The following PACS1 variants were observed in gnomAD, a reference collection of about 807,000 sequenced individuals.
PACS1 encodes the protein phosphofurin acidic cluster sorting protein 1.
A neutral mutation model predicts 115.0 loss-of-function variants in PACS1; 24 were observed. The observed-to-expected ratio is 0.21, with a 90% confidence interval of 0.15 to 0.29. The LOEUF is 0.29. PACS1 is among the 10% of genes least tolerant of loss of function. The pLI, the probability that PACS1 is intolerant of heterozygous loss-of-function variation, is 1.00. For missense variants in PACS1, 838 were observed against 1,251.2 expected, an observed-to-expected ratio of 0.67 and a Z score of 4.98; for synonymous variants, 453 against 504.5, an observed-to-expected ratio of 0.90 and a Z score of 1.37.
chr11:66,151,412 TCA>T (rs1448944633), intron 1 of PACS1, among the ~76,000 whole-genome samples: 2 of 152,062 alleles, frequency 1.3e-5, no homozygotes, highest in Admixed American at 1.3e-4. Flanking sequence ...AACACAAAAG[TCA>T]CAGAGTGTGA....
intron 5 of PACS1, 118 bp from the exon 6 acceptor site, chr11:66,216,402 C>T: frequency 1.4e-6 from 2 of 1,399,138 alleles, no homozygotes; most frequent in Non-Finnish European, 1.0e-6. Context: ...CGGCCCTGGC[C>T]CTCCCCTCCA....
intron 1 of PACS1, among the ~76,000 whole-genome samples, chr11:66,084,758 G>A (rs528633247): frequency 1.7e-4 from 26 of 152,100 alleles, no homozygotes; most frequent in South Asian, 4.1e-4. Context: ...AATTATTGTC[G>A]TCTCTTTATC....
chr11:66,104,946 G>A (rs1212170927), intron 1 of PACS1, among the ~76,000 whole-genome samples: 1 of 152,182 alleles, frequency 6.6e-6, no homozygotes, highest in African/African-American at 2.4e-5. Flanking sequence ...TGTTGAATAA[G>A]TAAGCAAATA....
intron 21 of PACS1, 65 bp downstream of exon 21, chr11:66,239,342 G>A: frequency 6.4e-7 from 1 of 1,555,616 alleles, no homozygotes; most frequent in South Asian, 1.2e-5. Context: ...TGATTCCAGT[G>A]ACAGGCGCAT....
intron 1 of PACS1, among the ~76,000 whole-genome samples, chr11:66,152,943 A>G (rs1216728810): frequency 6.6e-6 from 1 of 152,220 alleles, no homozygotes; most frequent in Non-Finnish European, 1.5e-5. Context: ...CAGAAAAACA[A>G]AAATTGAGAG....
At chr11:66,201,469 G>A (rs975328012) in intron 2 of PACS1, among the ~76,000 whole-genome samples, 9 of 151,924 alleles carry the variant, frequency 5.9e-5, no homozygotes, top group East Asian at 5.8e-4. Flanking sequence ...AGGGAAATTC[G>A]TAGCTATAAG....
At chr11:66,103,513 A>ATT (rs556121033) in intron 1 of PACS1, among the ~76,000 whole-genome samples, 39 of 109,140 alleles carry the variant, frequency 3.6e-4, no homozygotes, top group African/African-American at 1.3e-3. Flanking sequence ...TTTGTTTGGA[A>ATT]TTTTTTTTTT....
intron 2 of PACS1, among the ~76,000 whole-genome samples, chr11:66,194,648 G>A (rs1854608299): frequency 6.6e-6 from 1 of 152,204 alleles, no homozygotes; most frequent in Non-Finnish European, 1.5e-5. Flanking sequence ...AGATTCTGCA[G>A]TGCCTCTGGA....
At chr11:66,077,932 C>T (rs1285902699) in intron 1 of PACS1, among the ~76,000 whole-genome samples, 1 of 152,016 alleles carries the variant, frequency 6.6e-6, no homozygotes, top group Admixed American at 6.6e-5. Flanking sequence ...GAACTCCTGA[C>T]CTCAGGTGAT....
intron 1 of PACS1, among the ~76,000 whole-genome samples, chr11:66,092,779 A>T (rs1224456392): frequency 6.6e-6 from 1 of 152,052 alleles, no homozygotes; most frequent in Non-Finnish European, 1.5e-5. Flanking sequence ...TTAAATAGAG[A>T]ATCCTTTCCC....
At position 66,070,629 on chromosome 11, in the gene PACS1, C is replaced by G. The variant is rs746498517; in HGVS notation, c.143C>G (p.Pro48Arg). The part of the protein sequence containing the change: ...QQQPPQQPTP[P>R]KLAQATSSSS... ...CAGCCGCCGCAGCAGCCGACGCCCC[C>G]CAAGCTGGCCCAGGCCACCTCGTCG... is the stretch of plus-strand genomic sequence containing the variant. Residue 48 changes from proline to arginine, a missense_variant, in exon 1 of 24, where the codon CCC (proline) becomes CGC (arginine). This residue lies in a region of PACS1 where 129 missense variants were observed against 109.4 expected (regional missense o/e 1.18). Transcript: ENST00000320580. The surrounding 1 kb of genome is among the most constrained non-coding windows in gnomAD (Gnocchi z 5.9). 6.5e-7 allele frequency: 1 copy of G among 1,548,804 alleles called. No individual in the cohort carries two copies. Among genetic ancestry groups the G allele is most frequent in the Non-Finnish European group, 8.7e-7 (1 of 1,155,164 alleles).
intron 19 of PACS1, among the ~76,000 whole-genome samples, chr11:66,237,866 T>C (rs940117886): frequency 1.3e-5 from 2 of 152,172 alleles, no homozygotes; most frequent in African/African-American, 4.8e-5. Context: ...GAAGGGCGCA[T>C]AGAGAATCGG....
Position 66,193,536 on chromosome 11 carries a change from A to C in PACS1, c.407A>C (p.Lys136Thr), listed in dbSNP as rs1285745631. ...CTCGTCATGCTAAAAGAAATGGACA[A>C]AGATCTTAACTCAGTGGTCATCGCT... ...KKLVMLKEMD[K>T]DLNSVVIAVK... Residue 136 changes from lysine to threonine, a missense_variant, in exon 2 of 24, where the codon AAA becomes ACA. Lys to Thr is a moderately conservative substitution (Grantham distance 78, BLOSUM62 -1). Around this residue, in one of 6 missense-constraint regions of PACS1, gnomAD observed 223 missense variants for 354.0 expected, o/e 0.63. Transcript: ENST00000320580. 1 of 1,613,952 alleles carries C rather than the reference A, an allele frequency of 6.2e-7. No homozygotes were observed. The highest frequency in any genetic ancestry group is 2.2e-5 in the East Asian group (1 of 44,878).
At chr11:66,120,813 A>G (rs181073089) in intron 1 of PACS1, among the ~76,000 whole-genome samples, 2 of 152,142 alleles carry the variant, frequency 1.3e-5, no homozygotes, top group African/African-American at 4.8e-5. Context: ...CTGGACACAT[A>G]CCTATCCTCT....
chr11:66,101,826 G>A (rs1857926517), intron 1 of PACS1, among the ~76,000 whole-genome samples: 1 of 152,198 alleles, frequency 6.6e-6, no homozygotes, highest in Non-Finnish European at 1.5e-5. Flanking sequence ...GGTTACTGGG[G>A]GGAGAGCTCT....
chr11:66,097,612 G>A (rs138351346), intron 1 of PACS1, among the ~76,000 whole-genome samples: 4 of 152,302 alleles, frequency 2.6e-5, no homozygotes, highest in Admixed American at 6.5e-5. Flanking sequence ...TAGAATCTGT[G>A]AGATAATAAA....
In PACS1 at chr11:66,070,954, C is replaced by A; in HGVS notation, c.356+112C>A. On this transcript the variant is annotated intron_variant, in intron 1 of 23. Coordinates refer to ENST00000320580, the MANE Select transcript of PACS1 (RefSeq NM_018026.4). The surrounding 1 kb of genome is among the most constrained non-coding windows in gnomAD (Gnocchi z 5.9). Reference sequence around the variant, plus strand: ...CCCGCCCTCCATCTCCCCGACTGTCCCGCGGCCCGGCCTGGCTCCAGCCAG... The same window carrying A: ...CCCGCCCTCCATCTCCCCGACTGTCACGCGGCCCGGCCTGGCTCCAGCCAG... The A allele has an allele frequency of 8.9e-7, 1 of 1,122,006 alleles. No homozygotes were observed. The highest frequency in any genetic ancestry group is 1.2e-6 in the Non-Finnish European group (1 of 858,218). The allele number at this position is 1,122,006 out of a possible 1,614,324, so 69.5% of individuals were successfully genotyped here.
At position 66,230,407 on chromosome 11, in the gene PACS1, C is replaced by T. The variant is rs1168966600; in HGVS notation, c.1375-141C>T. 9 of 651,850 alleles carry T rather than the reference C, an allele frequency of 1.4e-5. No individual in the cohort carries two copies. The East Asian group carries it at 1.9e-4, about 14-fold the overall frequency. The allele number at this position is 651,850 out of a possible 1,614,324, so 40.4% of individuals were successfully genotyped here. A position where few individuals can be genotyped will look rare whatever the true frequency, so the allele number is the denominator to read the frequency against. Reference sequence around the variant, plus strand: ...GATTTTCCTTCGGCTGAGGCAGGAGCTTTAGGACCACTTGCTTTCAGGAAA... The same window carrying T: ...GATTTTCCTTCGGCTGAGGCAGGAGTTTTAGGACCACTTGCTTTCAGGAAA... On this transcript the variant is annotated intron_variant, in intron 11 of 23. Transcript: ENST00000320580.
chr11:66,163,243 A>G (rs1331293797), intron 1 of PACS1, among the ~76,000 whole-genome samples: 1 of 151,298 alleles, frequency 6.6e-6, no homozygotes. Context: ...TTAGCTGCTC[A>G]GGGAGGCTAA....
Sources: gnomAD v4.1 joint callset for allele counts (sites outside exome capture counted in the v4.1 genomes callset) on GRCh38, gnomAD v4.1.1 for gene constraint, gnomAD v4.1.1 regional missense constraint, Gnocchi (gnomAD v3.1) non-coding constraint, MANE v1.5 for transcripts, NCBI Gene and HGNC (gene_info 2026-07-23, HGNC 2026-07-21) for gene names.